MED12L: variants seen among roughly 807,000 people sequenced by gnomAD.
MED12L encodes the protein mediator complex subunit 12L.
MED12L carries 60 observed loss-of-function variants against 281.3 expected under a neutral mutation model. The ratio of observed to expected loss-of-function variants is 0.21; its 90% CI spans 0.17 to 0.26. The LOEUF is 0.26. Among genes scored for constraint, MED12L ranks in the 10% least tolerant of loss-of-function variants. MED12L has a pLI of 1.00. For missense variants in MED12L, 2,146 were observed against 2,680.9 expected (o/e 0.80, Z 4.41); for synonymous variants, 974 against 987.2 (o/e 0.99, Z 0.25).
intron 16 of MED12L, among the ~76,000 whole-genome samples, chr3:151,329,877 C>G: frequency 6.6e-6 from 1 of 152,098 alleles, no homozygotes; most frequent in South Asian, 2.1e-4. Flanking sequence ...ATAAGACTAC[C>G]TAAAATCAGA....
chr3:151,239,466 C>G (rs1397987811), intron 16 of MED12L, among the ~76,000 whole-genome samples: 2 of 152,130 alleles, frequency 1.3e-5, no homozygotes. Flanking sequence ...TATGAGAATC[C>G]AACTGTCTTC....
rs373150217 is a variant in MED12L at position 151,218,797 on chromosome 3, G to A, written c.2250+25131G>A. ...CAGGAGAATTGCTTGAACCTGGGAG[G>A]CGGAGGTTGCAGTGAGCCGAGATCC... On this transcript the variant is annotated intron_variant, in intron 16 of 44. Transcript: ENST00000687756. Among the ~76,000 whole-genome samples the A allele has an allele frequency of 1.8e-4, 26 of 147,968 alleles. No homozygotes were observed. In the East Asian group the frequency reaches 2.0e-3, roughly 11 times the overall value.
Position 151,350,202 on chromosome 3 carries a change from A to G in MED12L, c.2394A>G (p.Thr798=), listed in dbSNP as rs754057447. The G allele has an allele frequency of 2.1e-5, 34 of 1,613,258 alleles. No individual in the cohort carries two copies. The highest frequency in any genetic ancestry group is 2.9e-5 in the Non-Finnish European group (34 of 1,179,538). Residue 798 remains threonine (T), a synonymous_variant, in exon 17 of 45, where the codon ACA becomes ACG. Transcript: ENST00000687756. ...TAAATAAGAAGAGCACCACAGAGAC[A>G]GGGGGTAAAGAACCTTAATGCATTT... ...KILNKKSTTE[T]GVGDEGQKAR...
chr3:151,361,494 A>G (rs890066465), intron 21 of MED12L, among the ~76,000 whole-genome samples: 5 of 152,164 alleles, frequency 3.3e-5, no homozygotes, highest in African/African-American at 9.7e-5. Context: ...CCTACTTGCT[A>G]TCTTAGACTT....
intron 40 of MED12L, among the ~76,000 whole-genome samples, chr3:151,409,991 A>G (rs1577585072): frequency 6.6e-6 from 1 of 152,150 alleles, no homozygotes; most frequent in Non-Finnish European, 1.5e-5. Flanking sequence ...ATATTCAAAG[A>G]TAGCATCAAT....
At chr3:151,317,641 G>A (rs1748460422) in intron 16 of MED12L, among the ~76,000 whole-genome samples, 1 of 151,084 alleles carries the variant, frequency 6.6e-6, no homozygotes, top group South Asian at 2.1e-4. Context: ...TAGTAGAGAC[G>A]GGGTTTCTCT....
At chr3:151,285,867 A>G (rs1743431998) in intron 16 of MED12L, among the ~76,000 whole-genome samples, 1 of 152,128 alleles carries the variant, frequency 6.6e-6, no homozygotes, top group Admixed American at 6.5e-5. Context: ...ACCATCCATG[A>G]GGAATAGGTC....
At chr3:151,307,308 G>T (rs1746787515) in intron 16 of MED12L, among the ~76,000 whole-genome samples, 1 of 152,136 alleles carries the variant, frequency 6.6e-6, no homozygotes. Context: ...TATTGTAATG[G>T]AATTAGGTCA....
chr3:151,350,120 A>G lies in MED12L; in HGVS notation c.2312A>G (p.Glu771Gly), dbSNP rs1448197201. The G allele has an allele frequency of 2.5e-6, 4 of 1,613,842 alleles. No homozygotes were observed. The Admixed American group carries it at 5.0e-5, about 20-fold the overall frequency. The change falls in exon 17 of 45, where the codon GAG becomes GGG. Residue 771 changes from glutamate to glycine, a missense_variant. Physicochemically the swap from Glu to Gly is moderately conservative, Grantham distance 98 (BLOSUM62 -2). Coordinates refer to ENST00000687756, the MANE Select transcript of MED12L (RefSeq NM_001393769.1). ...RTILLYGVGK[E>G]RDEARHQLKK... is the part of the protein sequence containing the mutation. The stretch of plus-strand genomic sequence containing the variant: ...ATCCTTCTCTATGGAGTCGGCAAAG[A>G]GCGTGATGAAGCAAGGCATCAGCTG...
chr3:151,413,074 G>T (rs1577592077), intron 41 of MED12L, 65 bp from the exon 42 acceptor site: 1 of 1,551,772 alleles, frequency 6.4e-7, no homozygotes, highest in East Asian at 2.3e-5. Flanking sequence ...TCATGTGCTG[G>T]TAGCACTGAT....
intron 23 of MED12L, among the ~76,000 whole-genome samples, chr3:151,366,638 T>C (rs553575609): frequency 6.6e-6 from 1 of 152,322 alleles, no homozygotes; most frequent in East Asian, 1.9e-4. Flanking sequence ...TGTCGTACAC[T>C]AGTATCTCTT....
At chr3:151,249,391 G>C (rs1487570012) in intron 16 of MED12L, among the ~76,000 whole-genome samples, 1 of 150,750 alleles carries the variant, frequency 6.6e-6, no homozygotes, top group South Asian at 2.2e-4. Flanking sequence ...AAAAATATTT[G>C]AGAGTAAAAC....
At chr3:151,192,521 T>C (rs1482801280) in intron 14 of MED12L, 29 bp from the exon 15 acceptor site, 10 of 1,449,258 alleles carry the variant, frequency 6.9e-6, no homozygotes, top group East Asian at 2.5e-5. Flanking sequence ...AAACTTACAA[T>C]GTTACTTTCT....
chr3:151,279,290 T>C (rs1482702202), intron 16 of MED12L, among the ~76,000 whole-genome samples: 1 of 152,240 alleles, frequency 6.6e-6, no homozygotes, highest in Non-Finnish European at 1.5e-5. Context: ...CTTAAAAACA[T>C]AGCTATACAT....
chr3:151,404,774 G>C (rs1716093874), intron 39 of MED12L, among the ~76,000 whole-genome samples: 1 of 152,112 alleles, frequency 6.6e-6, no homozygotes, highest in Admixed American at 6.5e-5. Context: ...TACTAAATAA[G>C]GATTTGAATC....
intron 25 of MED12L, among the ~76,000 whole-genome samples, chr3:151,368,741 T>TG (rs2107974224): frequency 7.5e-6 from 1 of 133,530 alleles, no homozygotes; most frequent in East Asian, 2.2e-4. Context: ...TTTCATTTCA[T>TG]TTCATTTCAT....
chr3:151,144,899 C>A (rs554240611), intron 5 of MED12L, among the ~76,000 whole-genome samples: 1 of 152,332 alleles, frequency 6.6e-6, no homozygotes, highest in Admixed American at 6.5e-5. Flanking sequence ...CCTTACCCGT[C>A]TTCCTCCAGT....
chr3:151,111,319 A>G (rs1711852150), intron 2 of MED12L, among the ~76,000 whole-genome samples: 1 of 152,226 alleles, frequency 6.6e-6, no homozygotes, highest in Non-Finnish European at 1.5e-5. Context: ...GGAATTCTTC[A>G]CTACTGTGTG....
rs905123904 is a variant in MED12L at position 151,357,207 on chromosome 3, T to C, written c.2662-6T>C. On this transcript the variant is annotated splice_polypyrimidine_tract_variant and splice_region_variant and intron_variant, in intron 19 of 44. Coordinates refer to ENST00000687756, the MANE Select transcript of MED12L (RefSeq NM_001393769.1). ...CATGTTTATTCAGTCTTTTCTCCTGTTACAGTTACTAAATGAACTGAGTGT... is the reference window on the plus strand; with the variant it reads ...CATGTTTATTCAGTCTTTTCTCCTGCTACAGTTACTAAATGAACTGAGTGT... 2 of 1,588,416 alleles carry C rather than the reference T, an allele frequency of 1.3e-6. No homozygotes were observed. Among genetic ancestry groups the C allele is most frequent in the African/African-American group, 1.4e-5 (1 of 73,858 alleles).
Sources: allele counts gnomAD v4.1 joint callset (sites outside exome capture counted in the v4.1 genomes callset), GRCh38; gene constraint gnomAD v4.1.1; transcripts MANE v1.5; gene names NCBI Gene and HGNC (gene_info 2026-07-23, HGNC 2026-07-21).